The following ZBTB11 variants were observed in gnomAD, a reference collection of about 807,000 sequenced individuals.
ZBTB11 encodes the protein zinc finger and BTB domain-containing protein 11.
A neutral mutation model predicts 113.1 loss-of-function variants in ZBTB11; 68 were observed. That is an observed-to-expected ratio of 0.60 (90% confidence interval 0.49 to 0.74). ZBTB11 has a LOEUF of 0.74. Among genes scored for constraint, ZBTB11 ranks in the 30% least tolerant of loss-of-function variants. The pLI, the probability that ZBTB11 is intolerant of heterozygous loss-of-function variation, is 0.00. For missense variants in ZBTB11, 1,104 were observed against 1,279.4 expected, an observed-to-expected ratio of 0.86 and a Z score of 2.09; for synonymous variants, 518 against 452.6, an observed-to-expected ratio of 1.14 and a Z score of -1.83.
chr3:101,676,399 GC>G (rs1232411015), intron 1 of ZBTB11: 14 of 518,078 alleles, frequency 2.7e-5, no homozygotes, highest in Non-Finnish European at 4.1e-5. Context: ...CAGGGCCAGG[GC>G]CCGCCCCCAG....
At chr3:101,655,533 C>T (rs1021465152) in intron 7 of ZBTB11, among the ~76,000 whole-genome samples, 11 of 152,182 alleles carry the variant, frequency 7.2e-5, no homozygotes, top group Admixed American at 5.9e-4. Context: ...TTTTTAAAAG[C>T]ATGATCATTT....
At position 101,649,980 on chromosome 3, in the gene ZBTB11, A is replaced by T. The variant is rs1055189503; in HGVS notation, c.*1186T>A. On this transcript the variant is annotated 3_prime_UTR_variant, in exon 11 of 11. Coordinates refer to ENST00000312938, the MANE Select transcript of ZBTB11 (RefSeq NM_014415.4). ...TGTGGCATCTCTCATGGTTATTTTCAAAGTCAGAAAATTGGATAGCTTGAG... is the reference window on the plus strand; with the variant it reads ...TGTGGCATCTCTCATGGTTATTTTCTAAGTCAGAAAATTGGATAGCTTGAG... 4 of 152,630 alleles carry T rather than the reference A, an allele frequency of 2.6e-5. No homozygotes were observed. Among genetic ancestry groups the T allele is most frequent in the Non-Finnish European group, 4.4e-5 (3 of 68,006 alleles). 9.5% of individuals were successfully genotyped at this position (152,630 alleles called of 1,614,324 possible).
Position 101,665,262 on chromosome 3 carries a change from G to GAA in ZBTB11, c.1323_1324dup (p.Ser442PhefsTer6). The GAA allele has an allele frequency of 6.2e-7, 1 of 1,614,104 alleles. No homozygotes were observed. The highest frequency in any genetic ancestry group is 8.5e-7 in the Non-Finnish European group (1 of 1,180,012). On this transcript the variant is annotated frameshift_variant, in exon 4 of 11. Coordinates refer to ENST00000312938, the MANE Select transcript of ZBTB11 (RefSeq NM_014415.4). LOFTEE classifies it high-confidence loss of function. ...CGAGCTACTAATTACATTCTCTTTT[G>GAA]AAAGTTTAGGGTGTATATTAGAAAC...
intron 6 of ZBTB11, among the ~76,000 whole-genome samples, chr3:101,659,064 C>A (rs757162001): frequency 6.6e-6 from 1 of 152,106 alleles, no homozygotes; most frequent in South Asian, 2.1e-4. Context: ...CATAGTTAGG[C>A]CCCATCTCCA....
In ZBTB11 at chr3:101,671,395, A is replaced by G. The variant is rs776503815; in HGVS notation, c.547-34T>C. ...ATAAGTTTGAGAGCAAGAGTAACAT[A>G]TTACCTGTATTTTTTACCCTTAACA... On this transcript the variant is annotated intron_variant, in intron 2 of 10. Coordinates refer to ENST00000312938, the MANE Select transcript of ZBTB11 (RefSeq NM_014415.4). 4 of 1,528,002 alleles carry G rather than the reference A, an allele frequency of 2.6e-6. No homozygotes were observed. In the Admixed American group the frequency reaches 6.8e-5, roughly 26 times the overall value. 94.7% of individuals were successfully genotyped at this position (1,528,002 alleles called of 1,614,324 possible). A position where few individuals can be genotyped will look rare whatever the true frequency, so the allele number is the denominator to read the frequency against.
intron 6 of ZBTB11, among the ~76,000 whole-genome samples, chr3:101,658,385 C>A (rs1343373299): frequency 6.6e-6 from 1 of 151,780 alleles, no homozygotes; most frequent in Non-Finnish European, 1.5e-5. Context: ...GCCACCATGC[C>A]TGGCTAATTT....
chr3:101,671,638 A>G, intron 2 of ZBTB11: 1 of 575,272 alleles, frequency 1.7e-6, no homozygotes, highest in Non-Finnish European at 3.1e-6. Flanking sequence ...ATGCAGGTGA[A>G]AAACAAAGAC....
Position 101,651,648 on chromosome 3 carries a change from C to A in ZBTB11, c.2680G>T (p.Ala894Ser). The stretch of plus-strand genomic sequence containing the variant: ...TTTAGAGATCGGGCATCAGCCCAAG[C>A]TACTCCACATGTTAAGCACTCAAAT... The part of the protein sequence containing the change: ...KPFECLTCGV[A>S]WADARSLKRH... Residue 894 changes from alanine to serine, a missense_variant, in exon 11 of 11, where the codon GCT becomes TCT. By Grantham distance (99) the Ala-to-Ser change is moderately conservative. This residue lies in a region of ZBTB11 where 148 missense variants were observed against 259.3 expected (regional missense o/e 0.57). Transcript: ENST00000312938. The A allele has an allele frequency of 6.3e-7, 1 of 1,584,626 alleles. No homozygotes were observed. Among genetic ancestry groups the A allele is most frequent in the Non-Finnish European group, 8.6e-7 (1 of 1,167,176 alleles).
chr3:101,656,506 A>G (rs1003590281), intron 6 of ZBTB11, among the ~76,000 whole-genome samples: 8 of 152,172 alleles, frequency 5.3e-5, no homozygotes, highest in Non-Finnish European at 1.0e-4. Context: ...AAATCAGACA[A>G]ACCTCATGCT....
In ZBTB11 at chr3:101,657,140, C is replaced by CAA. The variant is rs11413892; in HGVS notation, c.2047-894_2047-893dup. 6.2e-3 allele frequency among the ~76,000 whole-genome samples: 645 copies of CAA among 104,772 alleles called. 4 individuals are homozygous for CAA. The highest frequency in any genetic ancestry group is 0.011 in the African/African-American group (266 of 23,192). The allele number at this position is 104,772 out of a possible 152,430, so 68.7% of individuals were successfully genotyped here. A position where few individuals can be genotyped will look rare whatever the true frequency, so the allele number is the denominator to read the frequency against. On this transcript the variant is annotated intron_variant, in intron 6 of 10. Transcript: ENST00000312938. ...TCAGTGACAGAGCAAGAATCAGTCT[C>CAA]AAAAAAAAAAAAAAAACAAAAAACC...
intron 1 of ZBTB11, among the ~76,000 whole-genome samples, chr3:101,672,775 C>T (rs1406372626): frequency 6.6e-6 from 1 of 152,222 alleles, no homozygotes; most frequent in Non-Finnish European, 1.5e-5. Context: ...TTCTCCACCC[C>T]AGTGACATTA....
At position 101,677,092 on chromosome 3, in the gene ZBTB11, G is replaced by A. The variant is rs763112003; in HGVS notation, c.-178C>T. The A allele has an allele frequency of 3.4e-4, 230 of 677,452 alleles. No homozygotes were observed. The highest frequency in any genetic ancestry group is 4.9e-4 in the Non-Finnish European group (211 of 428,176). The allele number at this position is 677,452 out of a possible 1,614,324, so 42.0% of individuals were successfully genotyped here. A position where few individuals can be genotyped will look rare whatever the true frequency, so the allele number is the denominator to read the frequency against. ...AAAAGCGGGCGAGTTGGTAACCAGG[G>A]GGAACTGCACTTCTCCAGCGCGCGG... On this transcript the variant is annotated 5_prime_UTR_variant, in exon 1 of 11. Coordinates refer to ENST00000312938, the MANE Select transcript of ZBTB11 (RefSeq NM_014415.4).
intron 3 of ZBTB11, among the ~76,000 whole-genome samples, chr3:101,667,722 C>T (rs1365710817): frequency 1.3e-5 from 2 of 151,806 alleles, no homozygotes; most frequent in African/African-American, 2.4e-5. Context: ...AGTGCAATGG[C>T]GTGATCTTGG....
At position 101,659,868 on chromosome 3, in the gene ZBTB11, G is replaced by C; in HGVS notation, c.1961C>G (p.Ser654Cys). 6.2e-7 allele frequency: 1 copy of C among 1,614,108 alleles called. No homozygotes were observed. The highest frequency in any genetic ancestry group is 8.5e-7 in the Non-Finnish European group (1 of 1,180,024). Reference sequence around the variant, plus strand: ...TTTAGGTAATGTTCTTCCACATATGGAACATATAAATTCCCGCTTGGTTCT... The same window carrying C: ...TTTAGGTAATGTTCTTCCACATATGCAACATATAAATTCCCGCTTGGTTCT... ...KGRTKREFIC[S>C]ICGRTLPKLY... The change falls in exon 6 of 11, where the codon TCC (serine) becomes TGC (cysteine). Residue 654 changes from serine to cysteine, a missense_variant. Ser to Cys is a moderately radical substitution (Grantham distance 112, BLOSUM62 -1). Coordinates refer to ENST00000312938, the MANE Select transcript of ZBTB11 (RefSeq NM_014415.4).
intron 7 of ZBTB11, among the ~76,000 whole-genome samples, chr3:101,655,349 T>C (rs781082307): frequency 2.6e-5 from 4 of 152,220 alleles, no homozygotes; most frequent in African/African-American, 4.8e-5. Context: ...TGTGATACGG[T>C]TGTATGATCT....
intron 5 of ZBTB11, chr3:101,662,262 C>T (rs1936904225): frequency 6.6e-6 from 1 of 152,156 alleles, no homozygotes; most frequent in Non-Finnish European, 1.5e-5. Context: ...CCATCTCTGC[C>T]TCTCGAAGTG....
At chr3:101,658,706 C>T (rs1389834419) in intron 6 of ZBTB11, among the ~76,000 whole-genome samples, 1 of 152,050 alleles carries the variant, frequency 6.6e-6, no homozygotes, top group African/African-American at 2.4e-5. Flanking sequence ...TAATTGGGAG[C>T]TGAGCTATGA....
intron 8 of ZBTB11, among the ~76,000 whole-genome samples, chr3:101,654,261 G>A (rs1284358759): frequency 1.3e-5 from 2 of 152,092 alleles, no homozygotes; most frequent in African/African-American, 4.8e-5. Flanking sequence ...GGCTGGTCTC[G>A]AACTTCTGAC....
At chr3:101,657,367 G>A (rs920682639) in intron 6 of ZBTB11, among the ~76,000 whole-genome samples, 3 of 151,770 alleles carry the variant, frequency 2.0e-5, no homozygotes, top group Admixed American at 6.6e-5. Flanking sequence ...TTAGCCAGGC[G>A]TGGTGGCGTG....
Sources: allele counts gnomAD v4.1 joint callset (sites outside exome capture counted in the v4.1 genomes callset), GRCh38; gene constraint gnomAD v4.1.1; regional missense constraint gnomAD v4.1.1; transcripts MANE v1.5; gene names NCBI Gene and HGNC (gene_info 2026-07-23, HGNC 2026-07-21).